Variants in CAMK4 observed in about 807,000 individuals in gnomAD.
CAMK4 encodes calcium/calmodulin-dependent protein kinase type IV.
Under a neutral mutation model 44.9 loss-of-function variants are expected in CAMK4, and 22 were observed. The ratio of observed to expected loss-of-function variants is 0.49; its 90% confidence interval spans 0.35 to 0.70. CAMK4 has a LOEUF of 0.70. Ranked by LOEUF, CAMK4 falls within the 30% of genes least tolerant of loss-of-function variation. The pLI is 0.01. For missense variants in CAMK4, 498 were observed against 586.8 expected (o/e 0.85, Z 1.56); for synonymous variants, 218 against 215.4 (o/e 1.01, Z -0.11).
intron 10 of CAMK4, among the ~76,000 whole-genome samples, chr5:111,483,273 T>A (rs1755494631): frequency 6.6e-6 from 1 of 152,190 alleles, no homozygotes; most frequent in African/African-American, 2.4e-5. Context: ...AGAAAGTTGT[T>A]TTCTTTCAGA....
At chr5:111,449,019 A>G in intron 6 of CAMK4, 110 bp from the exon 7 acceptor site, 1 of 542,296 alleles carries the variant, frequency 1.8e-6, no homozygotes, top group Non-Finnish European at 3.3e-6. Context: ...ATCATCAAAT[A>G]CAAAAGAAAG....
At chr5:111,333,682 G>C (rs534137659) in intron 1 of CAMK4, among the ~76,000 whole-genome samples, 2 of 151,624 alleles carry the variant, frequency 1.3e-5, no homozygotes, top group Non-Finnish European at 3.0e-5. Context: ...TAGGTCCAAA[G>C]TCACAACTGG....
intron 7 of CAMK4, among the ~76,000 whole-genome samples, chr5:111,469,368 A>C (rs1313614721): frequency 2.6e-5 from 4 of 151,830 alleles, no homozygotes; most frequent in African/African-American, 9.7e-5. Flanking sequence ...TTGTCTGTTA[A>C]CTTCACTGTG....
rs753519040 is a variant in CAMK4, at chr5:111,482,756, G to A, written c.829-29G>A. The A allele has an allele frequency of 9.5e-5, 151 of 1,583,118 alleles. No homozygotes were observed. Among genetic ancestry groups the A allele is most frequent in the Non-Finnish European group, 1.2e-4 (138 of 1,166,636 alleles). ...AAGCCCAGGTCATCCTAAAAACCTCGCTAAGTTTATGGTTCTTTATTATTT... is the reference window on the plus strand; with the variant it reads ...AAGCCCAGGTCATCCTAAAAACCTCACTAAGTTTATGGTTCTTTATTATTT... On this transcript the variant is annotated intron_variant, in intron 9 of 10. Transcript: ENST00000282356. The surrounding 1 kb of genome is among the most constrained non-coding windows in gnomAD (Gnocchi z 4.9).
chr5:111,399,614 A>G (rs1183821192), intron 5 of CAMK4, among the ~76,000 whole-genome samples: 2 of 152,208 alleles, frequency 1.3e-5, no homozygotes, highest in East Asian at 1.9e-4. Flanking sequence ...ATGAAGAAAG[A>G]GCCATCATTC....
chr5:111,345,452 A>G (rs1749826321), intron 2 of CAMK4, among the ~76,000 whole-genome samples: 2 of 151,958 alleles, frequency 1.3e-5, no homozygotes, highest in South Asian at 4.1e-4. Flanking sequence ...CTTTTATGAA[A>G]TAGAATTTCC....
intron 1 of CAMK4, among the ~76,000 whole-genome samples, chr5:111,232,350 G>C (rs1748516880): frequency 6.6e-6 from 1 of 152,086 alleles, no homozygotes; most frequent in South Asian, 2.1e-4. Flanking sequence ...GAGGACTGGG[G>C]TGTCTTTATG....
In CAMK4 at chr5:111,415,013, C is replaced by A. The variant is rs57921873; in HGVS notation, c.459+20231C>A. ...ATTCATCTGGAAGAATAGTCTTAGA[C>A]AAAAAAAAGAATAAGGAAGAGGACA... On this transcript the variant is annotated intron_variant, in intron 5 of 10. Transcript: ENST00000282356. Among the ~76,000 whole-genome samples, 1,086 of 151,516 alleles carry A rather than the reference C, an allele frequency of 7.2e-3. 10 individuals carry two copies. Among genetic ancestry groups the A allele is most frequent in the African/African-American group, 0.025 (1,022 of 41,308 alleles).
intron 1 of CAMK4, among the ~76,000 whole-genome samples, chr5:111,252,967 A>G (rs1749577855): frequency 6.6e-6 from 1 of 152,240 alleles, no homozygotes; most frequent in Non-Finnish European, 1.5e-5. Flanking sequence ...GACAATGCAG[A>G]AAGAGATAGA....
intron 5 of CAMK4, among the ~76,000 whole-genome samples, chr5:111,429,311 C>G (rs1438040124): frequency 6.6e-6 from 1 of 152,100 alleles, no homozygotes; most frequent in East Asian, 1.9e-4. Context: ...TTCATTACAG[C>G]TAATACTACA....
At position 111,244,601 on chromosome 5, in the gene CAMK4, G is replaced by A. The variant is rs546306899; in HGVS notation, c.161+19957G>A. On this transcript the variant is annotated intron_variant, in intron 1 of 10. Coordinates refer to ENST00000282356, the MANE Select transcript of CAMK4 (RefSeq NM_001744.6). ...AAATAGTCTGGGCGCAGTGGCACAC[G>A]CCTGTAATCTCAGCACTTTGGGAGG... Among the ~76,000 whole-genome samples the A allele has an allele frequency of 3.9e-5, 6 of 152,298 alleles. No individual in the cohort carries two copies. In the East Asian group the frequency reaches 7.7e-4, roughly 20 times the overall value.
rs1374010004 is a variant in CAMK4, at chr5:111,290,528, C to T, written c.162-53496C>T. 6.6e-6 allele frequency among the ~76,000 whole-genome samples: 1 copy of T among 152,180 alleles called. No individual in the cohort carries two copies. Among genetic ancestry groups the T allele is most frequent in the Non-Finnish European group, 1.5e-5 (1 of 68,038 alleles). On this transcript the variant is annotated intron_variant, in intron 1 of 10. Transcript: ENST00000282356. The surrounding 1 kb of genome is among the most constrained non-coding windows in gnomAD (Gnocchi z 4.5). Reference sequence around the variant, plus strand: ...CTACTTAAATCCATGGGACTATCCCCTGAGAAGTCTTATAAACTGCTGCTC... The same window carrying T: ...CTACTTAAATCCATGGGACTATCCCTTGAGAAGTCTTATAAACTGCTGCTC...
chr5:111,317,989 G>A (rs1334994901), intron 1 of CAMK4, among the ~76,000 whole-genome samples: 6 of 115,828 alleles, frequency 5.2e-5, no homozygotes, highest in Admixed American at 1.9e-4. Context: ...TGCTAAAAAA[G>A]AAAAGCAGAT....
At chr5:111,459,852 G>A (rs116418126) in intron 7 of CAMK4, among the ~76,000 whole-genome samples, 6,918 of 151,830 alleles carry the variant, frequency 0.046, 524 homozygotes, top group African/African-American at 0.16. Flanking sequence ...ACAGGTGCCC[G>A]AGACAGTCTT....
intron 5 of CAMK4, among the ~76,000 whole-genome samples, chr5:111,428,168 TG>T (rs1367006767): frequency 6.6e-6 from 1 of 152,236 alleles, no homozygotes; most frequent in Non-Finnish European, 1.5e-5. Flanking sequence ...AAAACCACAG[TG>T]TTACTGGGCT....
At chr5:111,335,578 G>A (rs567415269) in intron 1 of CAMK4, among the ~76,000 whole-genome samples, 2 of 151,484 alleles carry the variant, frequency 1.3e-5, no homozygotes, top group African/African-American at 4.8e-5. Context: ...AATTAGGCGT[G>A]AGGAGCATGT....
intron 9 of CAMK4, among the ~76,000 whole-genome samples, chr5:111,479,164 C>T (rs918873435): frequency 4.6e-5 from 7 of 152,202 alleles, no homozygotes; most frequent in Non-Finnish European, 8.8e-5. Flanking sequence ...CAGATGTGAG[C>T]CACTGCACCC....
At chr5:111,344,698 G>A (rs1749797657) in intron 2 of CAMK4, among the ~76,000 whole-genome samples, 1 of 151,570 alleles carries the variant, frequency 6.6e-6, no homozygotes, top group Admixed American at 6.6e-5. Context: ...TTTTTGTTTT[G>A]GGGGTTGCTT....
intron 1 of CAMK4, among the ~76,000 whole-genome samples, chr5:111,250,238 T>C (rs987419825): frequency 1.2e-4 from 19 of 152,228 alleles, no homozygotes; most frequent in African/African-American, 3.9e-4. Flanking sequence ...AGGTAATGCA[T>C]AGTGCTTTTA....
Sources: allele counts gnomAD v4.1 joint callset (sites outside exome capture counted in the v4.1 genomes callset), GRCh38; gene constraint gnomAD v4.1.1; non-coding constraint Gnocchi (gnomAD v3.1); transcripts MANE v1.5; gene names NCBI Gene and HGNC (gene_info 2026-07-23, HGNC 2026-07-21).